The following MYO18B variants were observed in gnomAD, a reference collection of about 807,000 sequenced individuals.
MYO18B encodes unconventional myosin-XVIIIb.
In MYO18B, 204 loss-of-function variants were observed where a neutral mutation model predicts 273.0. The ratio of observed to expected loss-of-function variants is 0.75; its 90% confidence interval spans 0.67 to 0.84. The LOEUF (loss-of-function observed/expected upper bound fraction) is 0.84, where lower values mean the gene tolerates loss of function less well. Ranked by LOEUF, MYO18B falls within the 40% of genes least tolerant of loss-of-function variation. The pLI, the probability that MYO18B is intolerant of heterozygous loss-of-function variation, is 0.00. For missense variants in MYO18B, 3,212 were observed against 3,287.6 expected, an observed-to-expected ratio of 0.98 and a Z score of 0.56; for synonymous variants, 1,330 against 1,305.7, an observed-to-expected ratio of 1.02 and a Z score of -0.40.
chr22:25,816,604 T>C (rs565090213), intron 12 of MYO18B, among the ~76,000 whole-genome samples: 2 of 152,188 alleles, frequency 1.3e-5, no homozygotes, highest in South Asian at 4.2e-4. Flanking sequence ...TTTGGTTTTC[T>C]GTCCTTGCGA....
At chr22:26,023,014 C>T (rs547090035) in intron 42 of MYO18B, among the ~76,000 whole-genome samples, 25 of 152,348 alleles carry the variant, frequency 1.6e-4, no homozygotes, top group African/African-American at 4.1e-4. Flanking sequence ...CAGCCTATCT[C>T]GCCTTTTTGT....
chr22:25,903,598 G>T, intron 30 of MYO18B, 33 bp from the exon 31 acceptor site: 1 of 1,569,546 alleles, frequency 6.4e-7, no homozygotes, highest in South Asian at 1.2e-5. Flanking sequence ...ATACTCATGT[G>T]ACTCCAGATC....
chr22:25,829,223 C>T (rs573523693), intron 15 of MYO18B, among the ~76,000 whole-genome samples: 7 of 152,204 alleles, frequency 4.6e-5, no homozygotes, highest in South Asian at 4.1e-4. Flanking sequence ...GTCCTTGCTT[C>T]CACGGCTGTC....
Position 25,772,349 on chromosome 22 carries a change from C to T in MYO18B, c.1708C>T (p.Leu570=). Residue 570 remains leucine (L), a synonymous_variant, in exon 7 of 44, where the codon CTG becomes TTG. Transcript: ENST00000335473. ...GGTTTCACAGGCCAACCCTCCTGAG[C>T]TGGACCAGGTCGAGGACCTGGCCTC... ...EHVHRANPPE[L]DQVEDLASLI... 1 of 1,613,760 alleles carries T rather than the reference C, an allele frequency of 6.2e-7. No homozygotes were observed. Among genetic ancestry groups the T allele is most frequent in the Non-Finnish European group, 8.5e-7 (1 of 1,179,796 alleles).
At chr22:25,850,051 A>T (rs57764010) in intron 20 of MYO18B, among the ~76,000 whole-genome samples, 6,330 of 152,264 alleles carry the variant, frequency 0.042, 447 homozygotes, top group African/African-American at 0.14. Context: ...GGAGGCTGGT[A>T]ACCTCCCAGG....
At chr22:25,803,795 A>C (rs1346051539) in intron 12 of MYO18B, among the ~76,000 whole-genome samples, 3 of 152,130 alleles carry the variant, frequency 2.0e-5, no homozygotes, top group Non-Finnish European at 2.9e-5. Context: ...TGGTTCTGGA[A>C]ATGTGTCTGT....
intron 7 of MYO18B, among the ~76,000 whole-genome samples, chr22:25,772,851 C>G (rs2086772089): frequency 6.6e-6 from 1 of 152,212 alleles, no homozygotes. Context: ...CCTGAAAACA[C>G]AGGTACTGTG....
chr22:26,061,630 C>T, the MYO18B span, among the ~76,000 whole-genome samples: 45 of 151,808 alleles, frequency 3.0e-4, no homozygotes, highest in African/African-American at 9.7e-4. Context: ...TCCCTATTGC[C>T]GAGAAACGTC....
rs2091849929 is a variant in MYO18B, at chr22:25,898,066, G to A, written c.4669-241G>A. Reference sequence around the variant, plus strand: ...TTGGCTGGAGGTTTATTGAGCAAAAGTAAAATCAACCTTAAGAGATTGATG... The same window carrying A: ...TTGGCTGGAGGTTTATTGAGCAAAAATAAAATCAACCTTAAGAGATTGATG... On this transcript the variant is annotated intron_variant, in intron 28 of 43. Transcript: ENST00000335473. 8 of 474,470 alleles carry A rather than the reference G, an allele frequency of 1.7e-5. No homozygotes were observed. In the South Asian group the frequency reaches 2.6e-4, roughly 16 times the overall value. 29.4% of individuals were successfully genotyped at this position (474,470 alleles called of 1,614,324 possible). A position where few individuals can be genotyped will look rare whatever the true frequency, so the allele number is the denominator to read the frequency against.
chr22:25,861,285 A>G (rs1229903188), intron 21 of MYO18B, among the ~76,000 whole-genome samples: 2 of 152,180 alleles, frequency 1.3e-5, no homozygotes, highest in Non-Finnish European at 2.9e-5. Flanking sequence ...CTGTCATTCT[A>G]TGCATTTTTG....
intron 34 of MYO18B, among the ~76,000 whole-genome samples, chr22:25,934,321 C>T (rs1013818095): frequency 1.3e-5 from 2 of 151,930 alleles, no homozygotes; most frequent in African/African-American, 4.8e-5. Context: ...TCTAATGGGT[C>T]AGTGTTAAAC....
chr22:25,843,623 G>C, intron 17 of MYO18B, 112 bp from the exon 18 acceptor site: 1 of 1,123,186 alleles, frequency 8.9e-7, no homozygotes, highest in Non-Finnish European at 1.2e-6. Flanking sequence ...GACCATGAGC[G>C]TTAGCTATCT....
At chr22:25,744,375 C>G (rs1432470684) in intron 1 of MYO18B, among the ~76,000 whole-genome samples, 1 of 152,170 alleles carries the variant, frequency 6.6e-6, no homozygotes, top group Non-Finnish European at 1.5e-5. Flanking sequence ...ATACAAACAA[C>G]TGTCTGAATG....
At position 26,027,584 on chromosome 22, in the gene MYO18B, G is replaced by A; in HGVS notation, c.7610G>A (p.Gly2537Asp). The part of the protein sequence containing the change: ...RPGIPRLAGD[G>D]GERTSPERRE... ...GGAATCCCACGACTTGCGGGTGACGGTGGCGAGCGAACGTCCCCCGAGCGG... is the reference window on the plus strand; with the variant it reads ...GGAATCCCACGACTTGCGGGTGACGATGGCGAGCGAACGTCCCCCGAGCGG... Residue 2537 changes from glycine to aspartate, a missense_variant, in exon 43 of 44, where the codon GGT (glycine) becomes GAT (aspartate). Coordinates refer to ENST00000335473, the MANE Select transcript of MYO18B (RefSeq NM_032608.7). This position sits in a 1 kb window ranked among gnomAD's most constrained non-coding sequence, Gnocchi z 4.1. The A allele has an allele frequency of 6.2e-7, 1 of 1,613,994 alleles. No individual in the cohort carries two copies.
At chr22:25,801,696 A>G (rs1365528941) in intron 12 of MYO18B, among the ~76,000 whole-genome samples, 1 of 152,062 alleles carries the variant, frequency 6.6e-6, no homozygotes, top group Non-Finnish European at 1.5e-5. Context: ...GGTTTGGGCC[A>G]TTCTCATTTT....
At chr22:25,877,885 T>G (rs946800539) in intron 24 of MYO18B, 74 bp from the exon 25 acceptor site, 2 of 1,262,420 alleles carry the variant, frequency 1.6e-6, no homozygotes, top group Non-Finnish European at 2.2e-6. Context: ...TTTGTGCCGT[T>G]TGCTCACTCC....
intron 39 of MYO18B, among the ~76,000 whole-genome samples, chr22:25,990,727 G>GA (rs869099801): frequency 2.9e-4 from 9 of 31,118 alleles, no homozygotes; most frequent in East Asian, 1.5e-3. Context: ...AAAAGAAAAA[G>GA]AAAAAAAAAA....
intron 39 of MYO18B, among the ~76,000 whole-genome samples, chr22:25,986,235 C>G (rs2093201131): frequency 1.3e-5 from 2 of 152,126 alleles, no homozygotes; most frequent in African/African-American, 4.8e-5. Flanking sequence ...ATGGACAGGA[C>G]AAAGTGATGA....
intron 1 of MYO18B, among the ~76,000 whole-genome samples, chr22:25,753,007 C>G (rs1416231087): frequency 1.3e-5 from 2 of 152,204 alleles, no homozygotes; most frequent in African/African-American, 4.8e-5. Context: ...GCGCTGCGCT[C>G]GAATTCTCAC....
Sources: gnomAD v4.1 joint callset for allele counts (sites outside exome capture counted in the v4.1 genomes callset) on GRCh38, gnomAD v4.1.1 for gene constraint, Gnocchi (gnomAD v3.1) non-coding constraint, MANE v1.5 for transcripts, NCBI Gene and HGNC (gene_info 2026-07-23, HGNC 2026-07-21) for gene names.